NIPA1: variants seen among roughly 807,000 people sequenced by gnomAD.
NIPA1 encodes magnesium transporter NIPA1.
NIPA1 carries 13 observed loss-of-function variants against 23.9 expected under a neutral mutation model. The ratio of observed to expected loss-of-function variants is 0.54; its 90% CI spans 0.35 to 0.87. The LOEUF is 0.87. Ranked by LOEUF, NIPA1 falls within the 40% of genes least tolerant of loss-of-function variation. The pLI, the probability that NIPA1 is intolerant of heterozygous loss-of-function variation, is 0.01. For synonymous variants in NIPA1, 234 were observed against 202.9 expected, an observed-to-expected ratio of 1.15 and a Z score of -1.30; for missense variants, 362 against 429.7, an observed-to-expected ratio of 0.84 and a Z score of 1.39.
Position 22,820,302 on chromosome 15 carries a change from T to C in NIPA1, c.318-11T>C. 1 of 1,596,866 alleles carries C rather than the reference T, an allele frequency of 6.3e-7. No individual in the cohort carries two copies. The highest frequency in any genetic ancestry group is 8.6e-7 in the Non-Finnish European group (1 of 1,164,400). On this transcript the variant is annotated splice_polypyrimidine_tract_variant and intron_variant, in intron 3 of 4. Coordinates refer to ENST00000337435, the MANE Select transcript of NIPA1 (RefSeq NM_144599.5). ...GTTTAAACTTTAATGATTTCTCTTT[T>C]TTCAATAAAGGTCCATTTTAGCTTC... is the stretch of plus-strand genomic sequence containing the variant.
intron 1 of NIPA1, among the ~76,000 whole-genome samples, chr15:22,803,838 C>T (rs1895141707): frequency 6.6e-6 from 1 of 151,354 alleles, no homozygotes; most frequent in Admixed American, 6.6e-5. Context: ...CGCCACCACG[C>T]CCGGCTAATT....
chr15:22,805,699 A>G (rs1895192341), intron 1 of NIPA1, among the ~76,000 whole-genome samples: 1 of 152,124 alleles, frequency 6.6e-6, no homozygotes, highest in African/African-American at 2.4e-5. Context: ...AAGAAAAAGA[A>G]AAAGAAAAAT....
Position 22,825,510 on chromosome 15 carries a change from G to A in NIPA1, c.*1271G>A, listed in dbSNP as rs1895632616. The A allele has an allele frequency of 6.6e-6, 1 of 152,074 alleles. No homozygotes were observed. Among genetic ancestry groups the A allele is most frequent in the South Asian group, 2.1e-4 (1 of 4,828 alleles). The allele number at this position is 152,074 out of a possible 1,614,324, so 9.4% of individuals were successfully genotyped here. ...ATTTGTATTCGATCTGTGTTACCTG[G>A]GATCCAGTATCAAATATATCCACAT... On this transcript the variant is annotated 3_prime_UTR_variant, in exon 5 of 5. Transcript: ENST00000337435.
rs1895647607 is a variant in NIPA1, at chr15:22,826,161, A to C, written c.*1922A>C. 1.4e-5 allele frequency: 2 copies of C among 147,168 alleles called. No individual in the cohort carries two copies. The highest frequency in any genetic ancestry group is 3.8e-4 in the East Asian group (2 of 5,196). The allele number at this position is 147,168 out of a possible 1,614,324, so 9.1% of individuals were successfully genotyped here. ...CCTAAAGTGTTGAGTAAAGAGGCTA[A>C]ATAAAATGAGACTAGTTTAATATAG... is the stretch of plus-strand genomic sequence containing the variant. On this transcript the variant is annotated 3_prime_UTR_variant, in exon 5 of 5. Coordinates refer to ENST00000337435, the MANE Select transcript of NIPA1 (RefSeq NM_144599.5).
At chr15:22,792,327 A>G (rs917931551) in intron 1 of NIPA1, among the ~76,000 whole-genome samples, 4 of 151,582 alleles carry the variant, frequency 2.6e-5, no homozygotes. Flanking sequence ...GGACAGTCTC[A>G]GGAAAGCTGT....
Position 22,824,208 on chromosome 15 carries a change from A to G in NIPA1, c.959A>G (p.Glu320Gly). The change falls in exon 5 of 5, where the codon GAG becomes GGG. Residue 320 changes from glutamate (E) to glycine (G), a missense_variant. Physicochemically the swap from Glu to Gly is moderately conservative, Grantham distance 98. Coordinates refer to ENST00000337435, the MANE Select transcript of NIPA1 (RefSeq NM_144599.5). The surrounding 1 kb of genome is among the most constrained non-coding windows in gnomAD (Gnocchi z 4.1). ...VFKEFNFNLG[E>G]MNKSNMKTD Reference sequence around the variant, plus strand: ...AAAGAGTTCAATTTCAACCTTGGGGAGATGAACAAATCTAATATGAAAACA... The same window carrying G: ...AAAGAGTTCAATTTCAACCTTGGGGGGATGAACAAATCTAATATGAAAACA... The G allele has an allele frequency of 1.2e-6, 2 of 1,613,472 alleles. No homozygotes were observed. The highest frequency in any genetic ancestry group is 8.5e-7 in the Non-Finnish European group (1 of 1,179,374).
intron 3 of NIPA1, among the ~76,000 whole-genome samples, chr15:22,815,738 A>G (rs1895402258): frequency 6.6e-6 from 1 of 152,350 alleles, no homozygotes; most frequent in East Asian, 1.9e-4. Flanking sequence ...TGGATCCAGC[A>G]ATATATAAAA....
chr15:22,813,858 G>A, intron 3 of NIPA1: 1 of 380,254 alleles, frequency 2.6e-6, no homozygotes, highest in South Asian at 1.9e-5. Context: ...GCGCTGGGAG[G>A]GCAAGAGTGT....
intron 1 of NIPA1, among the ~76,000 whole-genome samples, chr15:22,788,909 G>GACACAA (rs1894768728): frequency 2.0e-5 from 1 of 49,120 alleles, no homozygotes; most frequent in Non-Finnish European, 3.5e-5. Flanking sequence ...AGAAGAACAA[G>GACACAA]GCTCTGTCTT....
intron 4 of NIPA1, among the ~76,000 whole-genome samples, chr15:22,822,570 T>G (rs1566788535): frequency 6.6e-6 from 1 of 152,208 alleles, no homozygotes; most frequent in Non-Finnish European, 1.5e-5. Flanking sequence ...GGCTCACGCC[T>G]GTAATCCCAA....
intron 1 of NIPA1, among the ~76,000 whole-genome samples, chr15:22,802,132 G>T (rs1352154057): frequency 6.6e-6 from 1 of 152,014 alleles, no homozygotes; most frequent in Non-Finnish European, 1.5e-5. Flanking sequence ...GGTGGCTCAC[G>T]CCCGTAATCC....
intron 1 of NIPA1, among the ~76,000 whole-genome samples, chr15:22,799,675 G>A (rs1380178778): frequency 1.3e-5 from 2 of 151,932 alleles, no homozygotes; most frequent in African/African-American, 2.4e-5. Context: ...CCAGCTACTC[G>A]GGAGGCTGAG....
intron 1 of NIPA1, among the ~76,000 whole-genome samples, chr15:22,794,997 G>A (rs1200946722): frequency 1.3e-5 from 2 of 152,144 alleles, no homozygotes; most frequent in South Asian, 2.1e-4. Context: ...GGCTGGACAC[G>A]GAGCAGAGGC....
Position 22,823,942 on chromosome 15 carries a change from G to A in NIPA1, c.693G>A (p.Leu231=), listed in dbSNP as rs1895597383. The A allele has an allele frequency of 6.2e-7, 1 of 1,614,062 alleles. No homozygotes were observed. Among genetic ancestry groups the A allele is most frequent in the Admixed American group, 1.7e-5 (1 of 60,010 alleles). ...PSSQRALCLC[L]VLLAVLGCSI... ...GTCAGAGAGCCCTCTGCCTGTGCCTGGTACTCCTGGCCGTGCTCGGCTGCA... is the reference window on the plus strand; with the variant it reads ...GTCAGAGAGCCCTCTGCCTGTGCCTAGTACTCCTGGCCGTGCTCGGCTGCA... The change falls in exon 5 of 5, where the codon CTG becomes CTA. Residue 231 remains leucine, a synonymous_variant. Coordinates refer to ENST00000337435, the MANE Select transcript of NIPA1 (RefSeq NM_144599.5).
chr15:22,815,489 A>G (rs1895397651), intron 3 of NIPA1, among the ~76,000 whole-genome samples: 1 of 152,142 alleles, frequency 6.6e-6, no homozygotes, highest in Admixed American at 6.6e-5. Flanking sequence ...TAAAAATACA[A>G]AAATTATCCA....
chr15:22,818,107 C>T lies in NIPA1; in HGVS notation c.318-2206C>T, dbSNP rs754365235. ...TGAAAACTCGTGGGAGAAAAAATTTCAAAGTATATATCTGATAAGGGACTT... is the reference window on the plus strand; with the variant it reads ...TGAAAACTCGTGGGAGAAAAAATTTTAAAGTATATATCTGATAAGGGACTT... On this transcript the variant is annotated intron_variant, in intron 3 of 4. Transcript: ENST00000337435. Among the ~76,000 whole-genome samples the T allele has an allele frequency of 1.3e-5, 2 of 152,142 alleles. 1 individual carries two copies. Among genetic ancestry groups the T allele is most frequent in the Non-Finnish European group, 2.9e-5 (2 of 68,010 alleles).
rs990488370 is a variant in NIPA1, at chr15:22,823,604, G to A, written c.479-124G>A. 1.9e-5 allele frequency: 17 copies of A among 886,788 alleles called. No homozygotes were observed. The East Asian group carries it at 4.5e-4, about 23-fold the overall frequency. 54.9% of individuals were successfully genotyped at this position (886,788 alleles called of 1,614,324 possible). On this transcript the variant is annotated intron_variant, in intron 4 of 4. Coordinates refer to ENST00000337435, the MANE Select transcript of NIPA1 (RefSeq NM_144599.5). ...AGCCAGAGCCCACATGCTCCCCAGG[G>A]CTGTGCCGCAGTAGAGGCCGGTGGC...
rs61656257 is a variant in NIPA1 at position 22,823,489 on chromosome 15, C to T, written c.479-239C>T. ...TGCTGGGATTACAGGCATGAGCCAC[C>T]GCGTCTGGCTAACCCGGCTGTAAAT... On this transcript the variant is annotated intron_variant, in intron 4 of 4. Transcript: ENST00000337435. Among the ~76,000 whole-genome samples, 42,697 of 152,104 alleles carry T rather than the reference C, an allele frequency of 0.28. 6,226 individuals are homozygous for T. Among genetic ancestry groups the T allele is most frequent in the Non-Finnish European group, 0.32 (22,027 of 67,996 alleles).
intron 3 of NIPA1, among the ~76,000 whole-genome samples, chr15:22,816,454 T>G (rs972127880): frequency 6.9e-6 from 1 of 144,710 alleles, no homozygotes; most frequent in Non-Finnish European, 1.5e-5. Flanking sequence ...CCCAAAGTGC[T>G]GGGATTACAG....
Sources: gnomAD v4.1 joint callset for allele counts (sites outside exome capture counted in the v4.1 genomes callset) on GRCh38, gnomAD v4.1.1 for gene constraint, Gnocchi (gnomAD v3.1) non-coding constraint, MANE v1.5 for transcripts, NCBI Gene and HGNC (gene_info 2026-07-23, HGNC 2026-07-21) for gene names.